MCM10: variants seen among roughly 807,000 people sequenced by gnomAD.
MCM10 encodes the protein protein MCM10 homolog.
In MCM10, 91 loss-of-function variants were observed where a neutral mutation model predicts 109.9. The ratio of observed to expected loss-of-function variants is 0.83; its 90% CI spans 0.70 to 0.99. The LOEUF (loss-of-function observed/expected upper bound fraction) is 0.99. MCM10 is among the 50% of genes least tolerant of loss of function. The pLI is 0.00. For synonymous variants in MCM10, 380 were observed against 387.2 expected, an observed-to-expected ratio of 0.98 and a Z score of 0.22; for missense variants, 1,077 against 1,061.2, an observed-to-expected ratio of 1.01 and a Z score of -0.21.
chr10:13,203,650 A>G (rs985044744), intron 17 of MCM10, among the ~76,000 whole-genome samples: 5 of 152,114 alleles, frequency 3.3e-5, no homozygotes, highest in African/African-American at 9.7e-5. Context: ...TCTACTGCAC[A>G]TGTTTTGCTA....
chr10:13,180,251 T>TA (rs60239568), intron 6 of MCM10, among the ~76,000 whole-genome samples, 191 bp from the exon 7 acceptor site: 100 of 142,928 alleles, frequency 7.0e-4, no homozygotes, highest in Admixed American at 9.9e-4. Flanking sequence ...ACTCCATCTT[T>TA]AAAAAAAAAA....
At chr10:13,208,165 C>A (rs1211035216) in intron 18 of MCM10, among the ~76,000 whole-genome samples, 2 of 152,134 alleles carry the variant, frequency 1.3e-5, no homozygotes, top group Admixed American at 6.6e-5. Context: ...AGATGGAACA[C>A]TTGAGCCCAG....
rs1414225668 is a variant in MCM10 at position 13,210,849 on chromosome 10, T to C, written c.*1539T>C. On this transcript the variant is annotated 3_prime_UTR_variant, in exon 20 of 20. Transcript: ENST00000378714. ...ATGGCTCATTTAGGGTAGATTTATT[T>C]ATCTCATTAACTTAAAACAGCTATG... 1.3e-5 allele frequency: 2 copies of C among 152,238 alleles called. No individual in the cohort carries two copies. The highest frequency in any genetic ancestry group is 4.8e-5 in the African/African-American group (2 of 41,458). 9.4% of individuals were successfully genotyped at this position (152,238 alleles called of 1,614,324 possible). A position where few individuals can be genotyped will look rare whatever the true frequency, so the allele number is the denominator to read the frequency against.
intron 5 of MCM10, among the ~76,000 whole-genome samples, chr10:13,173,483 T>G (rs1834102268): frequency 6.6e-6 from 1 of 152,152 alleles, no homozygotes; most frequent in South Asian, 2.1e-4. Flanking sequence ...AGCACACACA[T>G]GTATATGCAC....
chr10:13,175,487 C>A, intron 5 of MCM10, 23 bp from the exon 6 acceptor site: 2 of 1,609,238 alleles, frequency 1.2e-6, no homozygotes, highest in South Asian at 2.2e-5. Context: ...GTTGCCTTTT[C>A]ATTAATTGTG....
At chr10:13,162,947 C>T (rs926182398) in intron 1 of MCM10, among the ~76,000 whole-genome samples, 1 of 151,874 alleles carries the variant, frequency 6.6e-6, no homozygotes, top group Non-Finnish European at 1.5e-5. Flanking sequence ...GGCGTGGTGG[C>T]GGGCGCCTGT....
intron 10 of MCM10, 48 bp from the exon 11 acceptor site, chr10:13,191,251 C>T (rs749005990): frequency 3.2e-6 from 4 of 1,238,156 alleles, no homozygotes; most frequent in Admixed American, 1.7e-5. Context: ...CTCATCAGAG[C>T]ATTGAGGCTT....
At chr10:13,173,160 C>T (rs778259074) in intron 5 of MCM10, among the ~76,000 whole-genome samples, 11 of 152,120 alleles carry the variant, frequency 7.2e-5, no homozygotes, top group Non-Finnish European at 1.3e-4. Context: ...TGTCATCACA[C>T]CACTGCACTC....
chr10:13,204,827 G>A (rs1476786747), intron 18 of MCM10, among the ~76,000 whole-genome samples: 1 of 151,964 alleles, frequency 6.6e-6, no homozygotes, highest in East Asian at 1.9e-4. Flanking sequence ...GGATGCTCAA[G>A]TCTCTGATAT....
At chr10:13,194,900 C>A in intron 13 of MCM10, 141 bp from the exon 14 acceptor site, 1 of 646,802 alleles carries the variant, frequency 1.5e-6, no homozygotes, top group Non-Finnish European at 2.6e-6. Flanking sequence ...ATTTGAATTA[C>A]CAGCCTAGAA....
At position 13,182,185 on chromosome 10, in the gene MCM10, A is replaced by G. The variant is rs1338849896; in HGVS notation, c.931-748A>G. Among the ~76,000 whole-genome samples the G allele has an allele frequency of 6.6e-6, 1 of 152,150 alleles. No individual in the cohort carries two copies. The highest frequency in any genetic ancestry group is 1.5e-5 in the Non-Finnish European group (1 of 68,036). ...AAACTTCTTTTTTCATATTAATAAT[A>G]GACTTAGGCTAGGCTTGGTGGCTCA... On this transcript the variant is annotated intron_variant, in intron 7 of 19. Coordinates refer to ENST00000378714, the MANE Select transcript of MCM10 (RefSeq NM_018518.5). The surrounding 1 kb of genome is among the most constrained non-coding windows in gnomAD (Gnocchi z 4.2).
intron 18 of MCM10, 62 bp downstream of exon 18, chr10:13,204,426 C>T: frequency 6.3e-7 from 1 of 1,585,296 alleles, no homozygotes; most frequent in Non-Finnish European, 8.6e-7. Flanking sequence ...TTTCCAGAGT[C>T]TGTGATTCTG....
At chr10:13,169,353 TC>T (rs965089658) in intron 2 of MCM10, among the ~76,000 whole-genome samples, 6 of 152,158 alleles carry the variant, frequency 3.9e-5, no homozygotes, top group Admixed American at 1.3e-4. Flanking sequence ...TTAACCTCAC[TC>T]CTTGTGTGTC....
At chr10:13,201,148 A>C (rs1588479104) in intron 16 of MCM10, among the ~76,000 whole-genome samples, 2 of 152,200 alleles carry the variant, frequency 1.3e-5, no homozygotes, top group East Asian at 3.8e-4. Context: ...CATCTCAAAA[A>C]TAAAATAAAA....
At position 13,183,032 on chromosome 10, in the gene MCM10, A is replaced by G. The variant is rs1041961812; in HGVS notation, c.1030A>G (p.Thr344Ala). The change falls in exon 8 of 20, where the codon ACG becomes GCG. Residue 344 changes from threonine (T) to alanine (A), a missense_variant. By Grantham distance (58) the Thr-to-Ala change is moderately conservative. Coordinates refer to ENST00000378714, the MANE Select transcript of MCM10 (RefSeq NM_018518.5). ...FGEVHKALWK[T>A]EQGTVVGILN... The stretch of plus-strand genomic sequence containing the variant: ...AGAAGTTCACAAAGCGCTCTGGAAG[A>G]CGGAGCAGGGGACTGTCGTAGGGAT... The G allele has an allele frequency of 3.1e-6, 5 of 1,614,074 alleles. No homozygotes were observed. The African/African-American group carries it at 6.7e-5, about 22-fold the overall frequency.
In MCM10 at chr10:13,175,629, G is replaced by A. The variant is rs769236797; in HGVS notation, c.712G>A (p.Gly238Arg). 8.7e-6 allele frequency: 14 copies of A among 1,613,490 alleles called. No homozygotes were observed. ...AATTGTGGGGACCCCAGGAAGTTCT[G>A]GGGAAACGACTCAACCCATCTGTGT... is the stretch of plus-strand genomic sequence containing the variant. ...GQIVGTPGSS[G>R]ETTQPICVEA... Residue 238 changes from glycine (G) to arginine (R), a missense_variant, in exon 6 of 20, where the codon GGG becomes AGG. Physicochemically the swap from Gly to Arg is moderately radical, Grantham distance 125 (BLOSUM62 -2). Transcript: ENST00000378714.
At chr10:13,173,866 A>G (rs891643960) in intron 5 of MCM10, among the ~76,000 whole-genome samples, 3 of 152,142 alleles carry the variant, frequency 2.0e-5, no homozygotes, top group African/African-American at 7.2e-5. Context: ...CCTGGCCCCC[A>G]GTGTGAGAGC....
intron 5 of MCM10, among the ~76,000 whole-genome samples, chr10:13,173,461 C>G (rs1834101940): frequency 6.6e-6 from 1 of 152,170 alleles, no homozygotes; most frequent in African/African-American, 2.4e-5. Flanking sequence ...TATTCAAATA[C>G]AGTCCTAGTT....
At chr10:13,199,039 G>T (rs985680978) in intron 16 of MCM10, among the ~76,000 whole-genome samples, 33 of 152,168 alleles carry the variant, frequency 2.2e-4, no homozygotes, top group Non-Finnish European at 2.4e-4. Flanking sequence ...GGGATTACAG[G>T]TGCCTGCCAC....
Sources: gnomAD v4.1 joint callset for allele counts (sites outside exome capture counted in the v4.1 genomes callset) on GRCh38, gnomAD v4.1.1 for gene constraint, Gnocchi (gnomAD v3.1) non-coding constraint, MANE v1.5 for transcripts, NCBI Gene and HGNC (gene_info 2026-07-23, HGNC 2026-07-21) for gene names.